Variants in NAALADL2 observed in about 807,000 individuals in gnomAD.
The protein encoded by NAALADL2 is N-acetylated alpha-linked acidic dipeptidase like 2, also known as inactive N-acetylated-alpha-linked acidic dipeptidase-like protein 2.
NAALADL2 carries 76 observed loss-of-function variants against 87.2 expected under a neutral mutation model. The ratio of observed to expected loss-of-function variants is 0.87; its 90% CI spans 0.72 to 1.05. NAALADL2 has a LOEUF of 1.05. NAALADL2 is among the 50% of genes least tolerant of loss of function. The pLI, the probability that NAALADL2 is intolerant of heterozygous loss-of-function variation, is 0.00. For synonymous variants in NAALADL2, 354 were observed against 331.0 expected, an observed-to-expected ratio of 1.07 and a Z score of -0.75; for missense variants, 1,089 against 945.8, an observed-to-expected ratio of 1.15 and a Z score of -1.99.
chr3:174,707,104 C>T (rs1173239362), intron 2 of NAALADL2, among the ~76,000 whole-genome samples: 1 of 152,186 alleles, frequency 6.6e-6, no homozygotes, highest in Non-Finnish European at 1.5e-5. Flanking sequence ...GATATCATCT[C>T]ACACCAGTTA....
intron 2 of NAALADL2, among the ~76,000 whole-genome samples, chr3:174,628,231 A>G (rs1015215363): frequency 6.6e-6 from 1 of 152,116 alleles, no homozygotes; most frequent in African/African-American, 2.4e-5. Flanking sequence ...TAATCCCAGC[A>G]CTTTGGGAGA....
chr3:174,957,678 T>A (rs1741355724), intron 1 of NAALADL2, among the ~76,000 whole-genome samples: 1 of 151,990 alleles, frequency 6.6e-6, no homozygotes, highest in Non-Finnish European at 1.5e-5. Context: ...CTCTTTGATT[T>A]ATTTTTAGGC....
rs116659901 is a variant in NAALADL2 at position 175,655,746 on chromosome 3, A to T, written c.1896+28360A>T. ...AAATAAAATAAAAAAACTTACAGTA[A>T]TTCAAAGTATCAGATCAGGTTGTCA... On this transcript the variant is annotated intron_variant, in intron 11 of 13. Transcript: ENST00000454872. Among the ~76,000 whole-genome samples, 225 of 152,232 alleles carry T rather than the reference A, an allele frequency of 1.5e-3. 1 individual carries two copies. The highest frequency in any genetic ancestry group is 5.0e-3 in the African/African-American group (209 of 41,574).
chr3:175,465,471 A>ATT (rs1560595976), intron 7 of NAALADL2, among the ~76,000 whole-genome samples: 1 of 129,034 alleles, frequency 7.7e-6, no homozygotes, highest in African/African-American at 3.4e-5. Flanking sequence ...CATGAATTAA[A>ATT]TCTTTTTTTT....
intron 2 of NAALADL2, among the ~76,000 whole-genome samples, chr3:175,154,513 G>A (rs1732012969): frequency 6.6e-6 from 1 of 152,064 alleles, no homozygotes; most frequent in Non-Finnish European, 1.5e-5. Flanking sequence ...TTATTGGGTT[G>A]TTACTAGGAT....
At chr3:175,563,501 A>G (rs62288394) in intron 9 of NAALADL2, among the ~76,000 whole-genome samples, 19,664 of 152,148 alleles carry the variant, frequency 0.13, 1,355 homozygotes, top group Middle Eastern at 0.17. Flanking sequence ...TTCAGGTCTA[A>G]GCCTACTCTA....
At chr3:174,800,558 T>A (rs1033665364) in intron 3 of NAALADL2, among the ~76,000 whole-genome samples, 1 of 152,120 alleles carries the variant, frequency 6.6e-6, no homozygotes, top group Non-Finnish European at 1.5e-5. Flanking sequence ...GCTAGGGCAA[T>A]GCAGAAGGGA....
chr3:174,726,606 A>C (rs965164543), intron 2 of NAALADL2, among the ~76,000 whole-genome samples: 3 of 152,080 alleles, frequency 2.0e-5, no homozygotes, highest in African/African-American at 7.2e-5. Flanking sequence ...TCTTTGCAAC[A>C]CTAGATACTA....
At chr3:174,888,728 T>C (rs759709178) in intron 1 of NAALADL2, among the ~76,000 whole-genome samples, 2 of 152,238 alleles carry the variant, frequency 1.3e-5, no homozygotes, top group African/African-American at 2.4e-5. Context: ...GTAACTAGCA[T>C]AAATATGTAA....
intron 9 of NAALADL2, among the ~76,000 whole-genome samples, chr3:175,537,482 T>A (rs1315686006): frequency 6.6e-6 from 1 of 152,230 alleles, no homozygotes; most frequent in Non-Finnish European, 1.5e-5. Flanking sequence ...TATTGACTTT[T>A]ACAATTATGG....
intron 1 of NAALADL2, among the ~76,000 whole-genome samples, chr3:175,038,880 C>A (rs1285349214): frequency 6.6e-6 from 1 of 151,850 alleles, no homozygotes; most frequent in Non-Finnish European, 1.5e-5. Flanking sequence ...ATTAATATTG[C>A]GTTGGGACCA....
At position 175,627,320 on chromosome 3, in the gene NAALADL2, T is replaced by A; in HGVS notation, c.1830T>A (p.Phe610Leu). ...EGPSFLSEAR[F>L]STRATKIEEM... Reference sequence around the variant, plus strand: ...CAAGTTTTCTCTCCGAGGCCCGTTTTTCTACACGAGCAACAAAAATTGAAG... The same window carrying A: ...CAAGTTTTCTCTCCGAGGCCCGTTTATCTACACGAGCAACAAAAATTGAAG... Residue 610 changes from phenylalanine (F) to leucine (L), a missense_variant, in exon 11 of 14, where the codon TTT becomes TTA. Coordinates refer to ENST00000454872, the MANE Select transcript of NAALADL2 (RefSeq NM_207015.3). The A allele has an allele frequency of 8.3e-6, 13 of 1,571,728 alleles. No individual in the cohort carries two copies. The highest frequency in any genetic ancestry group is 1.1e-5 in the Non-Finnish European group (13 of 1,155,928).
At chr3:174,657,819 C>A (rs1725123188) in intron 2 of NAALADL2, among the ~76,000 whole-genome samples, 1 of 152,156 alleles carries the variant, frequency 6.6e-6, no homozygotes, top group Non-Finnish European at 1.5e-5. Flanking sequence ...GGCTACTACT[C>A]ATCTTTTTAC....
chr3:175,108,557 A>G (rs1245985716), intron 2 of NAALADL2, among the ~76,000 whole-genome samples: 1 of 151,824 alleles, frequency 6.6e-6, no homozygotes, highest in Non-Finnish European at 1.5e-5. Context: ...TTTTCTCTCT[A>G]TTTCTTTGGT....
intron 3 of NAALADL2, among the ~76,000 whole-genome samples, chr3:174,843,862 TA>T (rs931467553): frequency 1.1e-4 from 17 of 151,864 alleles, no homozygotes; most frequent in South Asian, 4.2e-4. Flanking sequence ...TTTGCTGATT[TA>T]AAAAAAAATT....
At chr3:175,392,272 A>G (rs1019702731) in intron 5 of NAALADL2, among the ~76,000 whole-genome samples, 1 of 152,224 alleles carries the variant, frequency 6.6e-6, no homozygotes, top group Non-Finnish European at 1.5e-5. Context: ...TGTAATGAAC[A>G]CTACTTAGAA....
intron 11 of NAALADL2, among the ~76,000 whole-genome samples, chr3:175,737,013 T>C (rs1292867399): frequency 6.6e-6 from 1 of 152,198 alleles, no homozygotes; most frequent in African/African-American, 2.4e-5. Flanking sequence ...AAAGTCTAAA[T>C]AGTACAACTC....
chr3:175,599,252 C>T (rs1203883565), intron 10 of NAALADL2, among the ~76,000 whole-genome samples: 2 of 152,128 alleles, frequency 1.3e-5, no homozygotes, highest in African/African-American at 4.8e-5. Flanking sequence ...ACATAGGAAT[C>T]ATTATTAATT....
intron 4 of NAALADL2, among the ~76,000 whole-genome samples, chr3:175,303,985 G>A (rs6443302): frequency 0.13 from 19,177 of 151,710 alleles, 2,037 homozygotes; most frequent in African/African-American, 0.27. Context: ...GTGTGAAGGG[G>A]GTGGATAGTT....
Sources: allele counts gnomAD v4.1 joint callset (sites outside exome capture counted in the v4.1 genomes callset), GRCh38; gene constraint gnomAD v4.1.1; transcripts MANE v1.5; gene names NCBI Gene and HGNC (gene_info 2026-07-23, HGNC 2026-07-21).